NGFR: variants seen among roughly 807,000 people sequenced by gnomAD.
The protein encoded by NGFR is nerve growth factor receptor.
A neutral mutation model predicts 43.2 loss-of-function variants in NGFR; 30 were observed. The observed-to-expected ratio is 0.69, with a 90% CI of 0.52 to 0.94. NGFR has a LOEUF of 0.94. Ranked by LOEUF, NGFR falls within the 40% of genes least tolerant of loss-of-function variation. NGFR has a pLI of 0.00. For synonymous variants in NGFR, 246 were observed against 259.6 expected (o/e 0.95, Z 0.50); for missense variants, 529 against 602.5 (o/e 0.88, Z 1.28).
At position 49,506,443 on chromosome 17, in the gene NGFR, C is replaced by T. The variant is rs759353737; in HGVS notation, c.353C>T (p.Thr118Met). 2 of 1,608,084 alleles carry T rather than the reference C, an allele frequency of 1.2e-6. No individual in the cohort carries two copies. Among genetic ancestry groups the T allele is most frequent in the South Asian group, 2.2e-5 (2 of 90,962 alleles). Reference protein sequence around the residue: ...RCAYGYYQDETTGRCEACRVC... With the variant: ...RCAYGYYQDEMTGRCEACRVC... ...GCCTACGGCTACTACCAGGATGAGA[C>T]GACTGGGCGCTGCGAGGCGTGCCGC... The change falls in exon 3 of 6, where the codon ACG (threonine) becomes ATG (methionine). Residue 118 changes from threonine to methionine, a missense_variant. By Grantham distance (81) the Thr-to-Met change is moderately conservative (BLOSUM62 -1). Transcript: ENST00000172229.
chr17:49,508,474 G>A (rs899992425), intron 3 of NGFR, among the ~76,000 whole-genome samples: 3 of 152,168 alleles, frequency 2.0e-5, no homozygotes, highest in Admixed American at 1.3e-4. Context: ...TCAGCTCTGG[G>A]ACAAGAGACC....
intron 1 of NGFR, among the ~76,000 whole-genome samples, chr17:49,501,046 G>C (rs2071164352): frequency 6.6e-6 from 1 of 152,232 alleles, no homozygotes; most frequent in South Asian, 2.1e-4. Flanking sequence ...TAGCAAAGCA[G>C]GCTTTGGAGT....
At chr17:49,501,433 G>C (rs574688839) in intron 1 of NGFR, among the ~76,000 whole-genome samples, 3 of 152,358 alleles carry the variant, frequency 2.0e-5, no homozygotes, top group Admixed American at 2.0e-4. Context: ...TCAGAGGGAA[G>C]ATGGGCAAGC....
chr17:49,506,671 CGGGGGGCGGG>C lies in NGFR; in HGVS notation c.568+17_568+26del. ...GCCGAGTGCGAGGGTGAGTGCGGTT[CGGGGGGCGGG>C]GGGAGTGGGGGTGCGGGGGTGGGCT... On this transcript the variant is annotated intron_variant, in intron 3 of 5. Transcript: ENST00000172229. 1.7e-5 allele frequency: 2 copies of C among 116,718 alleles called. No individual in the cohort carries two copies. The allele number at this position is 116,718 out of a possible 1,614,324, so 7.2% of individuals were successfully genotyped here.
chr17:49,509,014 C>A (rs1250593731), intron 3 of NGFR, among the ~76,000 whole-genome samples: 1 of 152,182 alleles, frequency 6.6e-6, no homozygotes, highest in African/African-American at 2.4e-5. Flanking sequence ...CAAGAGAAGA[C>A]CCTCCCCAGT....
chr17:49,507,849 G>C (rs987618063), intron 3 of NGFR, among the ~76,000 whole-genome samples: 9 of 152,302 alleles, frequency 5.9e-5, no homozygotes, highest in Admixed American at 5.9e-4. Context: ...CCAGCACTTA[G>C]TCCCCAGCTG....
At position 49,506,330 on chromosome 17, in the gene NGFR, C is replaced by T. The variant is rs1324364094; in HGVS notation, c.240C>T (p.Thr80=). The T allele has an allele frequency of 4.4e-6, 7 of 1,577,326 alleles. No individual in the cohort carries two copies. The highest frequency in any genetic ancestry group is 2.3e-5 in the East Asian group (1 of 44,218). The change falls in exon 3 of 6, where the codon ACC becomes ACT. Residue 80 remains threonine (T), a synonymous_variant. Coordinates refer to ENST00000172229, the MANE Select transcript of NGFR (RefSeq NM_002507.4). ...CGTTCTCCGACGTGGTGAGCGCGAC[C>T]GAGCCGTGCAAGCCGTGCACCGAGT... ...SVTFSDVVSA[T]EPCKPCTECV...
chr17:49,499,422 C>T (rs1009072901), intron 1 of NGFR, among the ~76,000 whole-genome samples: 1 of 152,150 alleles, frequency 6.6e-6, no homozygotes, highest in African/African-American at 2.4e-5. Flanking sequence ...TTACAGCAAT[C>T]CTATGATGCA....
At chr17:49,500,611 T>C (rs567389646) in intron 1 of NGFR, among the ~76,000 whole-genome samples, 5 of 152,248 alleles carry the variant, frequency 3.3e-5, no homozygotes, top group African/African-American at 1.2e-4. Flanking sequence ...TGAAAAGAAA[T>C]CAGAACAGGC....
intron 2 of NGFR, 98 bp downstream of exon 2, chr17:49,502,302 C>T (rs917057343): frequency 7.6e-7 from 1 of 1,314,816 alleles, no homozygotes; most frequent in Non-Finnish European, 1.0e-6. Context: ...CCAGTAGAGG[C>T]CTTATAAGAC....
chr17:49,507,840 C>T (rs1239284979), intron 3 of NGFR, among the ~76,000 whole-genome samples: 1 of 152,186 alleles, frequency 6.6e-6, no homozygotes, highest in Non-Finnish European at 1.5e-5. Context: ...GACGTGGTCC[C>T]AGCACTTAGT....
At chr17:49,506,994 G>C (rs1018640147) in intron 3 of NGFR, among the ~76,000 whole-genome samples, 3 of 152,206 alleles carry the variant, frequency 2.0e-5, no homozygotes, top group Non-Finnish European at 4.4e-5. Flanking sequence ...CTAGTGATTA[G>C]CTGAACAGCA....
At chr17:49,511,148 C>T (rs1486765197) in intron 4 of NGFR, 1 of 154,310 alleles carries the variant, frequency 6.5e-6, no homozygotes, top group Non-Finnish European at 1.4e-5. Context: ...CAAAGTAACA[C>T]ATCCGTGTTT....
chr17:49,508,886 T>C (rs182523297), intron 3 of NGFR, among the ~76,000 whole-genome samples: 26 of 152,276 alleles, frequency 1.7e-4, no homozygotes, highest in African/African-American at 4.6e-4. Context: ...GTCTCATTCA[T>C]TGGGCACCCG....
At chr17:49,508,384 G>A (rs745852953) in intron 3 of NGFR, among the ~76,000 whole-genome samples, 2 of 152,202 alleles carry the variant, frequency 1.3e-5, no homozygotes, top group East Asian at 1.9e-4. Context: ...CAGCCACCCC[G>A]AAGGAGGAGG....
intron 3 of NGFR, among the ~76,000 whole-genome samples, chr17:49,506,917 A>G (rs892319710): frequency 2.0e-5 from 3 of 152,086 alleles, no homozygotes; most frequent in East Asian, 1.9e-4. Context: ...GGGCGTTCTC[A>G]GCGTCCCAGG....
intron 1 of NGFR, chr17:49,496,211 G>A (rs1177865275): frequency 6.6e-6 from 1 of 152,340 alleles, no homozygotes; most frequent in African/African-American, 2.4e-5. Flanking sequence ...CCGCCTGCCC[G>A]CTGAGGGACA....
At chr17:49,507,199 C>T (rs1001570820) in intron 3 of NGFR, among the ~76,000 whole-genome samples, 22 of 152,132 alleles carry the variant, frequency 1.4e-4, no homozygotes, top group African/African-American at 4.8e-4. Flanking sequence ...CCTTGACTGA[C>T]GTTAGGGAGT....
At chr17:49,506,730 C>G in intron 3 of NGFR, 72 bp downstream of exon 3, 2 of 1,357,922 alleles carry the variant, frequency 1.5e-6, no homozygotes, top group Non-Finnish European at 9.8e-7. Flanking sequence ...AGGGCGCTCT[C>G]TGGAGGTCGA....
Sources: allele counts gnomAD v4.1 joint callset (sites outside exome capture counted in the v4.1 genomes callset), GRCh38; gene constraint gnomAD v4.1.1; transcripts MANE v1.5; gene names NCBI Gene and HGNC (gene_info 2026-07-23, HGNC 2026-07-21).